SSBP2: variants seen among roughly 807,000 people sequenced by gnomAD.
SSBP2 encodes the protein single stranded DNA binding protein 2.
A neutral mutation model predicts 61.8 loss-of-function variants in SSBP2; 17 were observed. That is an observed-to-expected ratio of 0.28 (90% CI 0.19 to 0.41). SSBP2 has a LOEUF of 0.41. SSBP2 is among the 10% of genes least tolerant of loss of function. The pLI, the probability that SSBP2 is intolerant of heterozygous loss-of-function variation, is 1.00. For missense variants in SSBP2, 310 were observed against 458.7 expected, an observed-to-expected ratio of 0.68 and a Z score of 2.96; for synonymous variants, 139 against 141.3, an observed-to-expected ratio of 0.98 and a Z score of 0.12.
chr5:81,663,700 C>CTA (rs1750885580), intron 1 of SSBP2, among the ~76,000 whole-genome samples: 1 of 152,128 alleles, frequency 6.6e-6, no homozygotes, highest in African/African-American at 2.4e-5. Context: ...CCATAATATC[C>CTA]TATATCTACT....
chr5:81,573,836 T>C (rs1302338251), intron 4 of SSBP2, among the ~76,000 whole-genome samples: 4 of 152,134 alleles, frequency 2.6e-5, no homozygotes, highest in Non-Finnish European at 4.4e-5. Flanking sequence ...ATATAAGAGC[T>C]GAGCTTAAAA....
intron 4 of SSBP2, among the ~76,000 whole-genome samples, chr5:81,593,635 C>T (rs1389535667): frequency 2.0e-5 from 3 of 152,138 alleles, no homozygotes; most frequent in Non-Finnish European, 2.9e-5. Flanking sequence ...AGACTAATAG[C>T]GGATCTCTCG....
chr5:81,684,902 G>A (rs867113156), intron 1 of SSBP2, among the ~76,000 whole-genome samples: 3 of 151,958 alleles, frequency 2.0e-5, no homozygotes, highest in Non-Finnish European at 4.4e-5. Context: ...GATTTGGGAG[G>A]GGCCAGGGGC....
intron 10 of SSBP2, among the ~76,000 whole-genome samples, chr5:81,454,612 T>TG (rs1280756210): frequency 6.6e-6 from 1 of 151,658 alleles, no homozygotes; most frequent in Admixed American, 6.6e-5. Context: ...ACCTGGGAGA[T>TG]GGAGGTTGCA....
At chr5:81,514,546 A>G (rs902652814) in intron 4 of SSBP2, among the ~76,000 whole-genome samples, 2 of 152,074 alleles carry the variant, frequency 1.3e-5, no homozygotes, top group African/African-American at 2.4e-5. Flanking sequence ...CTGATTAGAC[A>G]TATTACAAAT....
At chr5:81,492,012 A>G (rs1766893051) in intron 5 of SSBP2, among the ~76,000 whole-genome samples, 1 of 152,232 alleles carries the variant, frequency 6.6e-6, no homozygotes, top group African/African-American at 2.4e-5. Context: ...GCAACTGAGA[A>G]TAATCTGCAC....
At position 81,420,281 on chromosome 5, in the gene SSBP2, T is replaced by G. The variant is rs1375111021; in HGVS notation, c.*223A>C. 8.7e-6 allele frequency: 5 copies of G among 575,352 alleles called. No homozygotes were observed. Among genetic ancestry groups the G allele is most frequent in the Non-Finnish European group, 1.6e-5 (5 of 322,070 alleles). The allele number at this position is 575,352 out of a possible 1,614,324, so 35.6% of individuals were successfully genotyped here. On this transcript the variant is annotated 3_prime_UTR_variant, in exon 17 of 17. Transcript: ENST00000320672. ...ACATACACACATAATTATTTGCAGT[T>G]CAGTTTAGGGCAATTCTAATATGCC... is the stretch of plus-strand genomic sequence containing the variant.
At chr5:81,592,408 C>T (rs1433936928) in intron 4 of SSBP2, among the ~76,000 whole-genome samples, 1 of 152,244 alleles carries the variant, frequency 6.6e-6, no homozygotes, top group Non-Finnish European at 1.5e-5. Flanking sequence ...GGCTCCACCT[C>T]TGGGGGCAGG....
intron 4 of SSBP2, among the ~76,000 whole-genome samples, chr5:81,608,178 T>G (rs769989396): frequency 1.3e-5 from 2 of 152,172 alleles, no homozygotes; most frequent in African/African-American, 4.8e-5. Flanking sequence ...AGATTTCTGC[T>G]AAGCATATCA....
intron 16 of SSBP2, among the ~76,000 whole-genome samples, chr5:81,426,447 A>G (rs1761955937): frequency 6.6e-6 from 1 of 152,226 alleles, no homozygotes; most frequent in Non-Finnish European, 1.5e-5. Context: ...CAAGGAGGGA[A>G]GAGAAAGCAG....
intron 1 of SSBP2, among the ~76,000 whole-genome samples, chr5:81,673,221 A>T (rs953407555): frequency 6.6e-6 from 1 of 152,208 alleles, no homozygotes; most frequent in Non-Finnish European, 1.5e-5. Context: ...GTAAGCTAAG[A>T]CGTCTTGACT....
At chr5:81,542,802 T>C (rs890923988) in intron 4 of SSBP2, among the ~76,000 whole-genome samples, 2 of 147,990 alleles carry the variant, frequency 1.4e-5, no homozygotes, top group Non-Finnish European at 3.0e-5. Context: ...ATGGTTTTTA[T>C]AAGTATTTGA....
intron 4 of SSBP2, among the ~76,000 whole-genome samples, chr5:81,543,080 C>T (rs1232942107): frequency 1.3e-5 from 2 of 152,152 alleles, no homozygotes; most frequent in Admixed American, 1.3e-4. Flanking sequence ...GTCTCGAACT[C>T]CTGACCTCAG....
At chr5:81,424,616 T>C (rs1761838180) in intron 16 of SSBP2, among the ~76,000 whole-genome samples, 1 of 152,180 alleles carries the variant, frequency 6.6e-6, no homozygotes, top group African/African-American at 2.4e-5. Flanking sequence ...CCTGAGGCTG[T>C]AAAATGCTCA....
At chr5:81,688,516 C>T (rs1250598639) in intron 1 of SSBP2, among the ~76,000 whole-genome samples, 3 of 152,194 alleles carry the variant, frequency 2.0e-5, no homozygotes, top group African/African-American at 4.8e-5. Context: ...GTTATAGCCA[C>T]GGGGGTGCTT....
Position 81,414,413 on chromosome 5 carries a change from A to AACTC in SSBP2, c.*6090_*6091insGAGT, listed in dbSNP as rs1761233670. On this transcript the variant is annotated 3_prime_UTR_variant, in exon 17 of 17. Coordinates refer to ENST00000320672, the MANE Select transcript of SSBP2 (RefSeq NM_012446.5). ...TAACAGAGGAAATTCTCCTTGGGAC[A>AACTC]CTTATTGAACTGAGGATTTCACTTC... is the stretch of plus-strand genomic sequence containing the variant. 6.6e-6 allele frequency: 1 copy of AACTC among 152,208 alleles called. No homozygotes were observed. Among genetic ancestry groups the AACTC allele is most frequent in the East Asian group, 1.9e-4 (1 of 5,206 alleles). 9.4% of individuals were successfully genotyped at this position (152,208 alleles called of 1,614,324 possible).
At chr5:81,445,491 A>G (rs1763348032) in intron 12 of SSBP2, among the ~76,000 whole-genome samples, 1 of 152,042 alleles carries the variant, frequency 6.6e-6, no homozygotes, top group Non-Finnish European at 1.5e-5. Context: ...ACTTCACCAT[A>G]TAAGAACATA....
intron 6 of SSBP2, among the ~76,000 whole-genome samples, chr5:81,488,315 T>G (rs1171050895): frequency 6.6e-6 from 1 of 151,876 alleles, no homozygotes; most frequent in Non-Finnish European, 1.5e-5. Flanking sequence ...CCATAATGGC[T>G]GTACCAAGTT....
chr5:81,479,846 A>G (rs1363181067), intron 6 of SSBP2, among the ~76,000 whole-genome samples: 1 of 152,178 alleles, frequency 6.6e-6, no homozygotes, highest in African/African-American at 2.4e-5. Flanking sequence ...GTCCATGGTT[A>G]TGCTATTTTT....
Sources: allele counts gnomAD v4.1 joint callset (sites outside exome capture counted in the v4.1 genomes callset), GRCh38; gene constraint gnomAD v4.1.1; transcripts MANE v1.5; gene names NCBI Gene and HGNC (gene_info 2026-07-23, HGNC 2026-07-21).